DLGAP3: variants seen among roughly 807,000 people sequenced by gnomAD.
DLGAP3 encodes DLG associated protein 3.
A neutral mutation model predicts 81.2 loss-of-function variants in DLGAP3; 17 were observed. The observed-to-expected ratio is 0.21, with a 90% CI of 0.14 to 0.31. The LOEUF (loss-of-function observed/expected upper bound fraction) is 0.31, where lower values mean the gene tolerates loss of function less well. Among genes scored for constraint, DLGAP3 ranks in the 10% least tolerant of loss-of-function variants. The probability of loss-of-function intolerance (pLI) is 1.00; values close to 1 mark genes in which losing one functional copy is unlikely to be tolerated. For missense variants in DLGAP3, 1,124 were observed against 1,388.0 expected, an observed-to-expected ratio of 0.81 and a Z score of 3.02; for synonymous variants, 577 against 587.4, an observed-to-expected ratio of 0.98 and a Z score of 0.26.
intron 8 of DLGAP3, among the ~76,000 whole-genome samples, chr1:34,881,723 G>T (rs1422289862): frequency 1.4e-5 from 2 of 140,006 alleles, no homozygotes; most frequent in Non-Finnish European, 3.1e-5. Flanking sequence ...AGGAATGAAA[G>T]AATGGAAAAT....
chr1:34,903,247 G>A (rs1639489260), intron 3 of DLGAP3, among the ~76,000 whole-genome samples: 1 of 152,156 alleles, frequency 6.6e-6, no homozygotes, highest in African/African-American at 2.4e-5. Context: ...TGTCTCCTCT[G>A]TGTTCCCAAG....
chr1:34,905,225 G>A lies in DLGAP3; in HGVS notation c.159C>T (p.Gly53=). The A allele has an allele frequency of 6.3e-7, 1 of 1,591,426 alleles. No individual in the cohort carries two copies. Among genetic ancestry groups the A allele is most frequent in the Non-Finnish European group, 8.6e-7 (1 of 1,169,192 alleles). ...GCCCTTCAGGAGAAATGTGTCCCAGGCCAGCTCTCGGGGCACAGAAGCGGG... is the reference window on the plus strand; with the variant it reads ...GCCCTTCAGGAGAAATGTGTCCCAGACCAGCTCTCGGGGCACAGAAGCGGG... ...TEPRFCAPRA[G]LGHISPEGPL... The change falls in exon 3 of 12, where the codon GGC becomes GGT. Residue 53 remains glycine, a synonymous_variant. Coordinates refer to ENST00000373347, the MANE Select transcript of DLGAP3 (RefSeq NM_001080418.3).
chr1:34,899,704 T>A lies in DLGAP3; in HGVS notation c.1351A>T (p.Ile451Phe). 1 of 1,613,828 alleles carries A rather than the reference T, an allele frequency of 6.2e-7. No homozygotes were observed. Among genetic ancestry groups the A allele is most frequent in the Non-Finnish European group, 8.5e-7 (1 of 1,179,986 alleles). Residue 451 changes from isoleucine (I) to phenylalanine (F), a missense_variant, in exon 5 of 12, where the codon ATC (isoleucine) becomes TTC (phenylalanine). Ile to Phe is a conservative substitution (Grantham distance 21, BLOSUM62 0). Around this residue, in one of 9 missense-constraint regions of DLGAP3, gnomAD observed 357 missense variants for 408.8 expected, o/e 0.87. Coordinates refer to ENST00000373347, the MANE Select transcript of DLGAP3 (RefSeq NM_001080418.3). Reference sequence around the variant, plus strand: ...GTGAGGGAACGGCTGTAGCCAGGGATGGAGCTCCGGGGGTGGATCCGGGGT... The same window carrying A: ...GTGAGGGAACGGCTGTAGCCAGGGAAGGAGCTCCGGGGGTGGATCCGGGGT... ...VPPRIHPRSSIPGYSRSLTTG... is the reference protein window; with the variant it reads ...VPPRIHPRSSFPGYSRSLTTG...
Position 34,867,314 on chromosome 1 carries a change from C to T in DLGAP3, c.2578-123G>A. 1 of 1,436,410 alleles carries T rather than the reference C, an allele frequency of 7.0e-7. No homozygotes were observed. Among genetic ancestry groups the T allele is most frequent in the Non-Finnish European group, 9.7e-7 (1 of 1,027,982 alleles). 89.0% of individuals were successfully genotyped at this position (1,436,410 alleles called of 1,614,324 possible). A position where few individuals can be genotyped will look rare whatever the true frequency, so the allele number is the denominator to read the frequency against. The stretch of plus-strand genomic sequence containing the variant: ...CTCAGCCTGGGAGAGTGGGTGGGGG[C>T]TGGGAGACAGGGGGACAAGAGCGAG... On this transcript the variant is annotated intron_variant, in intron 10 of 11. Transcript: ENST00000373347. The surrounding 1 kb of genome is among the most constrained non-coding windows in gnomAD (Gnocchi z 4.3).
chr1:34,870,203 T>C (rs1638958670), intron 8 of DLGAP3, among the ~76,000 whole-genome samples: 1 of 152,216 alleles, frequency 6.6e-6, no homozygotes, highest in Non-Finnish European at 1.5e-5. Context: ...GTTTTCATTT[T>C]TTCCCTGAAT....
intron 3 of DLGAP3, among the ~76,000 whole-genome samples, chr1:34,903,896 C>G (rs1270040160): frequency 6.6e-6 from 1 of 152,204 alleles, no homozygotes; most frequent in South Asian, 2.1e-4. Context: ...GAACTGCTTT[C>G]CAACTGCCGA....
Position 34,929,177 on chromosome 1 carries a change from G to C in DLGAP3, c.-135+274C>G, listed in dbSNP as rs1475102398. On this transcript the variant is annotated intron_variant, in intron 1 of 11. Transcript: ENST00000373347. This position sits in a 1 kb window ranked among gnomAD's most constrained non-coding sequence, Gnocchi z 6.5. ...CTCCAGCCGGGCGAGGGCTGGGCCG[G>C]GGCTGGCCTGTCCCCGCGGCCCTGA... Among the ~76,000 whole-genome samples the C allele has an allele frequency of 2.0e-5, 3 of 151,908 alleles. No homozygotes were observed. Among genetic ancestry groups the C allele is most frequent in the Non-Finnish European group, 4.4e-5 (3 of 67,820 alleles).
intron 8 of DLGAP3, among the ~76,000 whole-genome samples, chr1:34,879,003 C>T (rs1332879167): frequency 1.3e-5 from 2 of 149,456 alleles, no homozygotes; most frequent in East Asian, 2.0e-4. Context: ...ACCTAGGAGG[C>T]GGAGCTTGCA....
intron 5 of DLGAP3, among the ~76,000 whole-genome samples, chr1:34,899,087 CTT>C (rs58075518): frequency 0.41 from 58,161 of 141,936 alleles, 12,866 homozygotes; most frequent in East Asian, 0.94. Flanking sequence ...ATCAATTCTA[CTT>C]TTTTTTTTTT....
At chr1:34,866,340 C>A (rs757234959) in intron 11 of DLGAP3, 39 bp from the exon 12 acceptor site, 8 of 1,457,924 alleles carry the variant, frequency 5.5e-6, no homozygotes, top group Non-Finnish European at 9.1e-7. Context: ...GGGCGCCGAA[C>A]CATCCCAACA....
intron 2 of DLGAP3, among the ~76,000 whole-genome samples, chr1:34,906,343 C>T (rs1639556565): frequency 6.6e-6 from 1 of 151,980 alleles, no homozygotes; most frequent in Admixed American, 6.5e-5. Context: ...CTACACCCCA[C>T]TGTTGCAAGA....
At chr1:34,925,183 A>ACC (rs59300706) in intron 1 of DLGAP3, among the ~76,000 whole-genome samples, 94 of 138,906 alleles carry the variant, frequency 6.8e-4, no homozygotes, top group Non-Finnish European at 1.0e-3. Flanking sequence ...GCACCTGACA[A>ACC]CCCCCCCCCC....
chr1:34,914,937 G>A (rs115337036), intron 1 of DLGAP3, among the ~76,000 whole-genome samples: 123 of 152,318 alleles, frequency 8.1e-4, no homozygotes, highest in African/African-American at 2.9e-3. Context: ...AAAGACAGCA[G>A]AGCAAAGACC....
intron 8 of DLGAP3, among the ~76,000 whole-genome samples, chr1:34,877,475 C>A (rs1382733268): frequency 6.6e-6 from 1 of 152,248 alleles, no homozygotes; most frequent in East Asian, 1.9e-4. Context: ...ATGAAGGAAA[C>A]TGAACCAGGA....
chr1:34,910,873 T>C (rs1366965516), intron 1 of DLGAP3, among the ~76,000 whole-genome samples: 1 of 152,234 alleles, frequency 6.6e-6, no homozygotes, highest in Non-Finnish European at 1.5e-5. Flanking sequence ...TTATCCATCT[T>C]ATCCACTGAA....
In DLGAP3 at chr1:34,866,797, C is replaced by G. The variant is rs1192561726; in HGVS notation, c.2721+251G>C. On this transcript the variant is annotated intron_variant, in intron 11 of 11. Coordinates refer to ENST00000373347, the MANE Select transcript of DLGAP3 (RefSeq NM_001080418.3). ...GCAGCCGCCGCCACCCCCCCAACCC[C>G]GCTCCCCCGCGCTGAGGAAGCCTTG... Among the ~76,000 whole-genome samples, 3 of 152,222 alleles carry G rather than the reference C, an allele frequency of 2.0e-5. 1 individual carries two copies. Among genetic ancestry groups the G allele is most frequent in the Admixed American group, 1.3e-4 (2 of 15,282 alleles).
chr1:34,866,360 C>T, intron 11 of DLGAP3, 59 bp from the exon 12 acceptor site: 1 of 1,367,908 alleles, frequency 7.3e-7, no homozygotes, highest in African/African-American at 1.5e-5. Flanking sequence ...ACCCAGGTGT[C>T]CGCCCCCGCA....
chr1:34,879,541 C>T (rs749413595), intron 8 of DLGAP3, among the ~76,000 whole-genome samples: 1 of 152,132 alleles, frequency 6.6e-6, no homozygotes, highest in Non-Finnish European at 1.5e-5. Context: ...ACCCCTGATA[C>T]ATGATATATA....
At chr1:34,876,159 G>T (rs945260459) in intron 8 of DLGAP3, among the ~76,000 whole-genome samples, 2 of 152,202 alleles carry the variant, frequency 1.3e-5, no homozygotes, top group African/African-American at 4.8e-5. Flanking sequence ...TTGGCGGGGG[G>T]GTGGGGGTGT....
Sources: allele counts gnomAD v4.1 joint callset (sites outside exome capture counted in the v4.1 genomes callset), GRCh38; gene constraint gnomAD v4.1.1; regional missense constraint gnomAD v4.1.1; non-coding constraint Gnocchi (gnomAD v3.1); transcripts MANE v1.5; gene names NCBI Gene and HGNC (gene_info 2026-07-23, HGNC 2026-07-21).